Variants in ATP8A1 observed in about 807,000 individuals in gnomAD.
The protein encoded by ATP8A1 is phospholipid-transporting ATPase IA.
ATP8A1 carries 90 observed loss-of-function variants against 177.7 expected under a neutral mutation model. That is an observed-to-expected ratio of 0.51 (90% CI 0.43 to 0.60). The LOEUF is 0.60. Ranked by LOEUF, ATP8A1 falls within the 20% of genes least tolerant of loss-of-function variation. The pLI is 0.00. For synonymous variants in ATP8A1, 493 were observed against 485.9 expected, an observed-to-expected ratio of 1.01 and a Z score of -0.19; for missense variants, 1,072 against 1,392.8, an observed-to-expected ratio of 0.77 and a Z score of 3.67.
At chr4:42,612,295 GGTTCATTTACTC>G (rs1357541911) in intron 5 of ATP8A1, among the ~76,000 whole-genome samples, 1 of 151,228 alleles carries the variant, frequency 6.6e-6, no homozygotes, top group Non-Finnish European at 1.5e-5. Context: ...TCTGGAGAGT[GGTTCATTTACTC>G]GTTCATTTAA....
chr4:42,656,115 A>G (rs1220600046), intron 1 of ATP8A1, among the ~76,000 whole-genome samples: 2 of 152,176 alleles, frequency 1.3e-5, no homozygotes, highest in Non-Finnish European at 2.9e-5. Flanking sequence ...ACTTGCTTCT[A>G]CCCCGGAGCA....
At chr4:42,469,179 C>G (rs1276735160) in intron 25 of ATP8A1, among the ~76,000 whole-genome samples, 5 of 152,138 alleles carry the variant, frequency 3.3e-5, no homozygotes, top group Admixed American at 6.5e-5. Context: ...TCTTTTAGAG[C>G]ATTATACCTG....
chr4:42,541,509 T>C (rs1728384464), intron 20 of ATP8A1, among the ~76,000 whole-genome samples: 1 of 152,202 alleles, frequency 6.6e-6, no homozygotes, highest in Admixed American at 6.5e-5. Context: ...ATCTTGCAAT[T>C]ATTCTCCTTG....
intron 33 of ATP8A1, among the ~76,000 whole-genome samples, chr4:42,431,557 G>A (rs908984844): frequency 6.6e-6 from 1 of 152,026 alleles, no homozygotes; most frequent in Non-Finnish European, 1.5e-5. Flanking sequence ...TGTGTAAAAA[G>A]GCTATTTTAT....
rs781349727 is a variant in ATP8A1, at chr4:42,586,447, G to A, written c.624C>T (p.Asp208=). ...CAGAAATCCTCATCAAACTGTCAACGTCTTTGATATCTGATGTTGCTGGTA... is the reference window on the plus strand; with the variant it reads ...CAGAAATCCTCATCAAACTGTCAACATCTTTGATATCTGATGTTGCTGGTA... ...QGLPATSDIK[D]VDSLMRISGR... The change falls in exon 9 of 37, where the codon GAC becomes GAT. Residue 208 remains aspartate, a synonymous_variant. Transcript: ENST00000381668. The A allele has an allele frequency of 5.6e-6, 9 of 1,613,832 alleles. No individual in the cohort carries two copies. The East Asian group carries it at 1.3e-4, about 24-fold the overall frequency.
intron 1 of ATP8A1, among the ~76,000 whole-genome samples, chr4:42,629,428 G>A (rs1446813401): frequency 2.0e-5 from 3 of 152,222 alleles, no homozygotes; most frequent in Non-Finnish European, 2.9e-5. Flanking sequence ...TATGCAGAAC[G>A]CTTCGCTCTG....
intron 1 of ATP8A1, among the ~76,000 whole-genome samples, chr4:42,629,474 G>A (rs1254249836): frequency 4.6e-5 from 7 of 152,254 alleles, no homozygotes; most frequent in African/African-American, 1.7e-4. Flanking sequence ...GAGGAAGGGA[G>A]ATCTGCACTG....
chr4:42,429,333 A>G (rs1714995421), intron 33 of ATP8A1, among the ~76,000 whole-genome samples: 1 of 152,170 alleles, frequency 6.6e-6, no homozygotes, highest in African/African-American at 2.4e-5. Flanking sequence ...GAATCATCAG[A>G]AGTATTTCAA....
At chr4:42,453,181 C>T (rs1009861978) in intron 29 of ATP8A1, among the ~76,000 whole-genome samples, 5 of 152,204 alleles carry the variant, frequency 3.3e-5, no homozygotes, top group East Asian at 1.9e-4. Context: ...ACCCCTGTCA[C>T]GACCTCAGAA....
chr4:42,575,489 C>A (rs753873550), intron 13 of ATP8A1, 133 bp downstream of exon 13: 5 of 691,802 alleles, frequency 7.2e-6, no homozygotes, highest in Non-Finnish European at 1.2e-5. Context: ...GTTCATCATG[C>A]ACTAACAAAT....
chr4:42,616,628 A>G (rs1008563683), intron 4 of ATP8A1, among the ~76,000 whole-genome samples: 1 of 152,178 alleles, frequency 6.6e-6, no homozygotes, highest in African/African-American at 2.4e-5. Flanking sequence ...TCCCCTGTTC[A>G]ATGCTCCCCA....
At chr4:42,447,407 T>C (rs1717399750) in intron 30 of ATP8A1, among the ~76,000 whole-genome samples, 1 of 152,074 alleles carries the variant, frequency 6.6e-6, no homozygotes, top group African/African-American at 2.4e-5. Context: ...GGTCTCGAAC[T>C]CCTGGCCTCA....
intron 33 of ATP8A1, among the ~76,000 whole-genome samples, chr4:42,436,050 A>C (rs1368601349): frequency 1.3e-5 from 2 of 152,156 alleles, no homozygotes; most frequent in African/African-American, 4.8e-5. Context: ...GCACCAATTA[A>C]GTCCTCAACA....
At chr4:42,461,610 G>T (rs1719168167) in intron 27 of ATP8A1, among the ~76,000 whole-genome samples, 1 of 152,090 alleles carries the variant, frequency 6.6e-6, no homozygotes, top group African/African-American at 2.4e-5. Flanking sequence ...TTTGTAAATT[G>T]CCCAGTTTTG....
Position 42,485,629 on chromosome 4 carries a change from C to G in ATP8A1, c.2191G>C (p.Gly731Arg). ...ETLSRHCTTL[G>R]DALRKENDFA... is the part of the protein sequence containing the mutation. ...TCATTCTCTTTCCGGAGAGCATCACCAAGGGTAGTACAGTGACGACTGAGA... is the reference window on the plus strand; with the variant it reads ...TCATTCTCTTTCCGGAGAGCATCACGAAGGGTAGTACAGTGACGACTGAGA... The change falls in exon 25 of 37, where the codon GGT becomes CGT. Residue 731 changes from glycine (G) to arginine (R), a missense_variant. This residue lies in a region of ATP8A1 where 388 missense variants were observed against 471.7 expected (regional missense o/e 0.82). Transcript: ENST00000381668. 6.2e-7 allele frequency: 1 copy of G among 1,613,636 alleles called. No homozygotes were observed. Among genetic ancestry groups the G allele is most frequent in the Non-Finnish European group, 8.5e-7 (1 of 1,179,756 alleles).
chr4:42,520,654 T>C (rs1372249419), intron 22 of ATP8A1, among the ~76,000 whole-genome samples: 1 of 152,098 alleles, frequency 6.6e-6, no homozygotes, highest in South Asian at 2.1e-4. Context: ...ACCTATAACA[T>C]TTAGGGTGGG....
rs57216138 is a variant in ATP8A1 at position 42,635,653 on chromosome 4, T to C, written c.50-8544A>G. On this transcript the variant is annotated intron_variant, in intron 1 of 36. Transcript: ENST00000381668. ...ACTATCCTTTTCAAAGGCTTAATAA[T>C]TGAAAGTCCTGAATATATATATGCA... is the stretch of plus-strand genomic sequence containing the variant. Among the ~76,000 whole-genome samples the C allele has an allele frequency of 5.6e-3, 851 of 151,284 alleles. 9 individuals are homozygous for C. The highest frequency in any genetic ancestry group is 0.02 in the African/African-American group (817 of 41,344).
chr4:42,590,712 G>T, intron 7 of ATP8A1, 99 bp downstream of exon 7: 1 of 1,090,714 alleles, frequency 9.2e-7, no homozygotes, highest in East Asian at 2.4e-5. Context: ...GTGTTTTAAA[G>T]GAAGAGACAC....
intron 4 of ATP8A1, among the ~76,000 whole-genome samples, chr4:42,619,047 T>C (rs1471186580): frequency 1.4e-5 from 2 of 146,528 alleles, no homozygotes; most frequent in Non-Finnish European, 3.1e-5. Flanking sequence ...TAGCCTAGTG[T>C]GATTTTTTTG....
Sources: allele counts gnomAD v4.1 joint callset (sites outside exome capture counted in the v4.1 genomes callset), GRCh38; gene constraint gnomAD v4.1.1; regional missense constraint gnomAD v4.1.1; transcripts MANE v1.5; gene names NCBI Gene and HGNC (gene_info 2026-07-23, HGNC 2026-07-21).